HECW1: variants seen among roughly 807,000 people sequenced by gnomAD.
The protein encoded by HECW1 is E3 ubiquitin-protein ligase HECW1.
HECW1 carries 61 observed loss-of-function variants against 182.3 expected under a neutral mutation model. The observed-to-expected ratio is 0.33, with a 90% CI of 0.27 to 0.41. HECW1 has a LOEUF of 0.41. Among genes scored for constraint, HECW1 ranks in the 10% least tolerant of loss-of-function variants. The pLI is 1.00. For missense variants in HECW1, 1,739 were observed against 2,108.9 expected, an observed-to-expected ratio of 0.82 and a Z score of 3.44; for synonymous variants, 859 against 832.6, an observed-to-expected ratio of 1.03 and a Z score of -0.55.
intron 24 of HECW1, among the ~76,000 whole-genome samples, chr7:43,535,991 C>T (rs1159318698): frequency 6.6e-6 from 1 of 152,102 alleles, no homozygotes; most frequent in Non-Finnish European, 1.5e-5. Flanking sequence ...ATATCAGAGT[C>T]CAGGAATGTT....
chr7:43,159,279 A>G (rs2152654724), intron 2 of HECW1, among the ~76,000 whole-genome samples: 1 of 151,802 alleles, frequency 6.6e-6, no homozygotes, highest in Admixed American at 6.6e-5. Flanking sequence ...GGTTTGCTGC[A>G]CCCATCAACT....
chr7:43,137,637 C>G (rs1458510337), intron 2 of HECW1, among the ~76,000 whole-genome samples: 1 of 151,990 alleles, frequency 6.6e-6, no homozygotes, highest in Non-Finnish European at 1.5e-5. Context: ...GCAACCCACA[C>G]CTCCTGGGCT....
At chr7:43,528,004 A>C (rs1469688054) in intron 24 of HECW1, among the ~76,000 whole-genome samples, 3 of 152,242 alleles carry the variant, frequency 2.0e-5, no homozygotes, top group Non-Finnish European at 4.4e-5. Flanking sequence ...AAACTGAGCT[A>C]TTAGCTAACG....
At chr7:43,263,014 G>A (rs1200138386) in intron 3 of HECW1, among the ~76,000 whole-genome samples, 1 of 152,180 alleles carries the variant, frequency 6.6e-6, no homozygotes. Flanking sequence ...TAAAAGAATT[G>A]ATATCAAAAT....
chr7:43,371,723 G>A (rs765411671), intron 6 of HECW1, among the ~76,000 whole-genome samples: 44 of 152,290 alleles, frequency 2.9e-4, no homozygotes, highest in African/African-American at 4.6e-4. Context: ...CAGTGTCTCC[G>A]TTAGGGAGAC....
intron 24 of HECW1, among the ~76,000 whole-genome samples, chr7:43,514,819 TACA>T (rs2080066580): frequency 6.6e-6 from 1 of 152,188 alleles, no homozygotes; most frequent in South Asian, 2.1e-4. Flanking sequence ...ATGTTATTAT[TACA>T]ACATTATAAC....
chr7:43,408,198 G>GT (rs1333569411), intron 8 of HECW1, among the ~76,000 whole-genome samples: 6 of 152,142 alleles, frequency 3.9e-5, no homozygotes, highest in Non-Finnish European at 8.8e-5. Context: ...AAATATCCCT[G>GT]GTTGGGTTAA....
At chr7:43,545,811 T>C (rs2330874) in intron 26 of HECW1, among the ~76,000 whole-genome samples, 122,842 of 151,818 alleles carry the variant, frequency 0.81, 50,401 homozygotes, top group African/African-American at 0.95. Flanking sequence ...TTTGGTCTTG[T>C]TGTCTCGGGG....
chr7:43,284,974 C>T (rs750537312), intron 3 of HECW1, among the ~76,000 whole-genome samples: 19 of 149,002 alleles, frequency 1.3e-4, no homozygotes, highest in Non-Finnish European at 2.7e-4. Flanking sequence ...GTGCTTTATT[C>T]ACATTTATGT....
intron 2 of HECW1, among the ~76,000 whole-genome samples, chr7:43,147,014 G>A (rs1788789328): frequency 6.6e-6 from 1 of 152,184 alleles, no homozygotes; most frequent in Admixed American, 6.5e-5. Flanking sequence ...CAGTGTATTT[G>A]CATACCCCTT....
At chr7:43,428,867 T>C (rs1269948539) in intron 8 of HECW1, among the ~76,000 whole-genome samples, 1 of 152,060 alleles carries the variant, frequency 6.6e-6, no homozygotes, top group African/African-American at 2.4e-5. Flanking sequence ...AAGTGAATCA[T>C]CTCCAGAAGT....
chr7:43,381,582 G>C (rs552484216), intron 6 of HECW1, among the ~76,000 whole-genome samples: 1 of 150,902 alleles, frequency 6.6e-6, no homozygotes, highest in African/African-American at 2.4e-5. Flanking sequence ...TCCACCTCCC[G>C]GGTGATTCTC....
chr7:43,373,201 CT>C (rs71562094), intron 6 of HECW1, among the ~76,000 whole-genome samples: 36,416 of 125,914 alleles, frequency 0.29, 2,422 homozygotes, highest in East Asian at 0.42. Context: ...TGCCTTCTTC[CT>C]TTTTTTTTTT....
At chr7:43,184,809 T>C (rs1793224292) in intron 2 of HECW1, among the ~76,000 whole-genome samples, 2 of 152,110 alleles carry the variant, frequency 1.3e-5, no homozygotes, top group Non-Finnish European at 2.9e-5. Flanking sequence ...GATGCTGGCA[T>C]CTGCTTGGGG....
At chr7:43,462,770 A>C (rs2077632555) in intron 13 of HECW1, among the ~76,000 whole-genome samples, 1 of 152,208 alleles carries the variant, frequency 6.6e-6, no homozygotes, top group African/African-American at 2.4e-5. Context: ...GAGCTCCCCA[A>C]GGGTGGCCTG....
At chr7:43,554,004 A>G (rs961810582) in intron 28 of HECW1, among the ~76,000 whole-genome samples, 1 of 152,212 alleles carries the variant, frequency 6.6e-6, no homozygotes, top group Non-Finnish European at 1.5e-5. Context: ...ATATCCAAGC[A>G]TGGTCTCCCC....
intron 24 of HECW1, among the ~76,000 whole-genome samples, chr7:43,521,156 T>A (rs922159272): frequency 1.3e-5 from 2 of 152,208 alleles, no homozygotes; most frequent in African/African-American, 4.8e-5. Context: ...ATTCATATGT[T>A]GAAACTTAAT....
In HECW1 at chr7:43,562,201, A is replaced by G. The variant is rs2152967155; in HGVS notation, c.*275A>G. 3.0e-6 allele frequency: 1 copy of G among 328,684 alleles called. No homozygotes were observed. Among genetic ancestry groups the G allele is most frequent in the Middle Eastern group, 8.2e-4 (1 of 1,224 alleles). The allele number at this position is 328,684 out of a possible 1,614,324, so 20.4% of individuals were successfully genotyped here. On this transcript the variant is annotated 3_prime_UTR_variant, in exon 30 of 30. Transcript: ENST00000395891. Reference sequence around the variant, plus strand: ...TCAAGGTCTGTGTATATCTCCACATACCTCCATTACTAACAATGAAATATG... The same window carrying G: ...TCAAGGTCTGTGTATATCTCCACATGCCTCCATTACTAACAATGAAATATG...
chr7:43,266,925 A>G (rs897784646), intron 3 of HECW1, among the ~76,000 whole-genome samples: 1 of 152,222 alleles, frequency 6.6e-6, no homozygotes, highest in African/African-American at 2.4e-5. Flanking sequence ...TTAATGGGAC[A>G]AAGTTGATTA....
Sources: allele counts gnomAD v4.1 joint callset (sites outside exome capture counted in the v4.1 genomes callset), GRCh38; gene constraint gnomAD v4.1.1; transcripts MANE v1.5; gene names NCBI Gene and HGNC (gene_info 2026-07-23, HGNC 2026-07-21).